MACF1: variants seen among roughly 807,000 people sequenced by gnomAD.
The protein encoded by MACF1 is microtubule-actin cross-linking factor 1.
A neutral mutation model predicts 854.8 loss-of-function variants in MACF1; 193 were observed. The observed-to-expected ratio is 0.23, with a 90% CI of 0.20 to 0.25. The LOEUF is 0.25. Ranked by LOEUF, MACF1 falls within the 10% of genes least tolerant of loss-of-function variation. MACF1 has a pLI of 1.00. For missense variants in MACF1, 7,722 were observed against 8,929.1 expected, an observed-to-expected ratio of 0.86 and a Z score of 5.45; for synonymous variants, 3,185 against 3,226.7, an observed-to-expected ratio of 0.99 and a Z score of 0.44.
chr1:39,089,669 C>T (rs1641758632), intron 2 of MACF1, among the ~76,000 whole-genome samples: 1 of 152,134 alleles, frequency 6.6e-6, no homozygotes, highest in East Asian at 1.9e-4. Context: ...AAGTTGGGAG[C>T]TCTGAGAAGA....
At chr1:39,137,840 GAGGC>G in intron 2 of MACF1, among the ~76,000 whole-genome samples, 1 of 152,000 alleles carries the variant, frequency 6.6e-6, no homozygotes, top group East Asian at 1.9e-4. Context: ...TTGGGAAGCC[GAGGC>G]AGGTGGATCA....
chr1:39,125,365 A>C (rs1381072645), intron 2 of MACF1, among the ~76,000 whole-genome samples: 3 of 152,234 alleles, frequency 2.0e-5, no homozygotes, highest in Admixed American at 1.3e-4. Context: ...CTTTCTAAAC[A>C]TTGATTTCCT....
At chr1:39,108,896 G>C (rs1045481815) in intron 2 of MACF1, among the ~76,000 whole-genome samples, 1 of 152,114 alleles carries the variant, frequency 6.6e-6, no homozygotes, top group East Asian at 1.9e-4. Context: ...ACATCTATCT[G>C]GTACTTATGA....
At chr1:39,437,158 G>A (rs1223614891) in intron 70 of MACF1, among the ~76,000 whole-genome samples, 3 of 151,692 alleles carry the variant, frequency 2.0e-5, no homozygotes, top group Admixed American at 2.0e-4. Context: ...TACATTAGTT[G>A]GAATAGGAGA....
At chr1:39,437,167 G>A (rs761368761) in intron 70 of MACF1, among the ~76,000 whole-genome samples, 1 of 151,468 alleles carries the variant, frequency 6.6e-6, no homozygotes, top group African/African-American at 2.4e-5. Flanking sequence ...TGGAATAGGA[G>A]AAATATTGTG....
chr1:39,294,612 G>A (rs1645863289), intron 18 of MACF1, among the ~76,000 whole-genome samples: 1 of 152,200 alleles, frequency 6.6e-6, no homozygotes, highest in Non-Finnish European at 1.5e-5. Context: ...TCACAGAAGA[G>A]CTATTTAAAT....
chr1:39,290,740 T>C (rs1186927245), intron 15 of MACF1, among the ~76,000 whole-genome samples: 1 of 149,692 alleles, frequency 6.7e-6, no homozygotes, highest in African/African-American at 2.5e-5. Context: ...CGATCTCGGC[T>C]CACTGCAACC....
chr1:39,355,172 G>A (rs975629946), intron 44 of MACF1, among the ~76,000 whole-genome samples: 1 of 152,228 alleles, frequency 6.6e-6, no homozygotes, highest in Middle Eastern at 3.4e-3. Flanking sequence ...GACGCTTTTC[G>A]AAGGTCCATT....
At chr1:39,259,693 G>A (rs1337182644) in intron 6 of MACF1, among the ~76,000 whole-genome samples, 5 of 151,548 alleles carry the variant, frequency 3.3e-5, no homozygotes, top group East Asian at 1.9e-4. Context: ...TGCAATCTCC[G>A]TTCACCGCAA....
chr1:39,327,256 T>C lies in MACF1; in HGVS notation c.4517T>C (p.Leu1506Ser). Reference protein sequence around the residue: ...EKEKKQISEQLNALNKAYHDL... With the variant: ...EKEKKQISEQSNALNKAYHDL... ...GAGAAGAAACAAATATCTGAGCAATTGAATGCCCTAAACAAGGCTTACCAT... is the reference window on the plus strand; with the variant it reads ...GAGAAGAAACAAATATCTGAGCAATCGAATGCCCTAAACAAGGCTTACCAT... Residue 1506 changes from leucine to serine, a missense_variant, in exon 36 of 101, where the codon TTG becomes TCG. Leu to Ser is a moderately radical substitution (Grantham distance 145, BLOSUM62 -2). This residue lies in a region of MACF1 where 1,531 missense variants were observed against 1,601.6 expected (regional missense o/e 0.96). Transcript: ENST00000564288. 6.3e-7 allele frequency: 1 copy of C among 1,597,362 alleles called. No homozygotes were observed. Among genetic ancestry groups the C allele is most frequent in the Non-Finnish European group, 8.6e-7 (1 of 1,166,852 alleles).
In MACF1 at chr1:39,334,682, T is replaced by G; in HGVS notation, c.8094T>G (p.Thr2698=). The G allele has an allele frequency of 6.2e-7, 1 of 1,614,122 alleles. No individual in the cohort carries two copies. The highest frequency in any genetic ancestry group is 8.5e-7 in the Non-Finnish European group (1 of 1,180,018). The change falls in exon 37 of 101, where the codon ACT becomes ACG. Residue 2698 remains threonine, a synonymous_variant. Coordinates refer to ENST00000564288, the MANE Select transcript of MACF1 (RefSeq NM_001394062.1). ...CTGGTGGAATCATAGATACTGCTAC[T>G]GGAAAAAGACTGACATTGGCATCAG... ...ANTGGIIDTA[T]GKRLTLASAL...
intron 18 of MACF1, 136 bp from the exon 19 acceptor site, chr1:39,294,910 C>T (rs1259074039): frequency 6.5e-6 from 4 of 617,968 alleles, no homozygotes; most frequent in Non-Finnish European, 1.1e-5. Context: ...CTCTGGCATG[C>T]ACTGTTTATA....
chr1:39,155,271 T>C (rs1399378789), intron 2 of MACF1, among the ~76,000 whole-genome samples: 2 of 152,208 alleles, frequency 1.3e-5, no homozygotes, highest in Non-Finnish European at 2.9e-5. Context: ...ATGAAACAAT[T>C]TTAATGGTGA....
At position 39,287,568 on chromosome 1, in the gene MACF1, T is replaced by C. The variant is rs756347882; in HGVS notation, c.1785+6T>C. 6.2e-7 allele frequency: 1 copy of C among 1,614,010 alleles called. No individual in the cohort carries two copies. The highest frequency in any genetic ancestry group is 1.7e-5 in the Admixed American group (1 of 60,002). ...CTTGGGTAGAAGAGATGCAGGTGGG[T>C]GCATATCCAAAAGCTTATGCAGTAC... On this transcript the variant is annotated splice_donor_region_variant and intron_variant, in intron 15 of 100. Coordinates refer to ENST00000564288, the MANE Select transcript of MACF1 (RefSeq NM_001394062.1).
intron 2 of MACF1, among the ~76,000 whole-genome samples, chr1:39,086,348 C>T (rs1483236634): frequency 6.6e-6 from 1 of 152,174 alleles, no homozygotes; most frequent in African/African-American, 2.4e-5. Flanking sequence ...ACAGTGGGGC[C>T]TGGAAGGCAG....
At chr1:39,130,507 A>G (rs1468398357) in intron 2 of MACF1, among the ~76,000 whole-genome samples, 1 of 152,140 alleles carries the variant, frequency 6.6e-6, no homozygotes, top group African/African-American at 2.4e-5. Flanking sequence ...TGGCTCTGGG[A>G]AGTACTGACA....
chr1:39,318,612 G>C lies in MACF1; in HGVS notation c.3942G>C (p.Gln1314His). ...TGCTTTCGGAGCAGCTCAGCCAGCAGACGGTGAGTGTGGTAGTAGCTCTGG... is the reference window on the plus strand; with the variant it reads ...TGCTTTCGGAGCAGCTCAGCCAGCACACGGTGAGTGTGGTAGTAGCTCTGG... ...SRVLSEQLSQ[Q>H]TALFAEIERN... The change falls in exon 30 of 101, where the codon CAG (glutamine) becomes CAC (histidine). Residue 1314 changes from glutamine to histidine, a missense_variant. Gln to His is a conservative substitution (Grantham distance 24). Around this residue, in one of 15 missense-constraint regions of MACF1, gnomAD observed 1,137 missense variants for 1,263.0 expected, o/e 0.90. Transcript: ENST00000564288. 6.2e-7 allele frequency: 1 copy of C among 1,609,864 alleles called. No individual in the cohort carries two copies. Among genetic ancestry groups the C allele is most frequent in the African/African-American group, 1.3e-5 (1 of 74,910 alleles).
At chr1:39,134,028 AAC>A (rs2148175446) in intron 2 of MACF1, among the ~76,000 whole-genome samples, 1 of 144,470 alleles carries the variant, frequency 6.9e-6, no homozygotes, top group African/African-American at 2.5e-5. Context: ...TCATCAGAAG[AAC>A]AGTCTTTTTT....
chr1:39,128,346 A>T (rs1160758563), intron 2 of MACF1, among the ~76,000 whole-genome samples: 1 of 152,144 alleles, frequency 6.6e-6, no homozygotes, highest in South Asian at 2.1e-4. Context: ...AGTAGCTGAG[A>T]CTACAGGACT....
Sources: allele counts gnomAD v4.1 joint callset (sites outside exome capture counted in the v4.1 genomes callset), GRCh38; gene constraint gnomAD v4.1.1; regional missense constraint gnomAD v4.1.1; transcripts MANE v1.5; gene names NCBI Gene and HGNC (gene_info 2026-07-23, HGNC 2026-07-21).